TRAF3: variants seen among roughly 807,000 people sequenced by gnomAD.
TRAF3 encodes the protein TNF receptor associated factor 3, also known as TNF receptor-associated factor 3.
TRAF3 carries 13 observed loss-of-function variants against 62.3 expected under a neutral mutation model. The observed-to-expected ratio is 0.21, with a 90% CI of 0.14 to 0.33. The LOEUF (loss-of-function observed/expected upper bound fraction) is 0.33. Ranked by LOEUF, TRAF3 falls within the 10% of genes least tolerant of loss-of-function variation. The pLI, the probability that TRAF3 is intolerant of heterozygous loss-of-function variation, is 1.00. For missense variants in TRAF3, 440 were observed against 741.8 expected (o/e 0.59, Z 4.73); for synonymous variants, 269 against 283.4 (o/e 0.95, Z 0.51).
chr14:102,822,597 A>G (rs1057065139), intron 1 of TRAF3, among the ~76,000 whole-genome samples: 3 of 152,228 alleles, frequency 2.0e-5, no homozygotes, highest in African/African-American at 7.2e-5. Context: ...TAACTTAATG[A>G]GAACACACTG....
At chr14:102,818,807 G>T (rs1226209001) in intron 1 of TRAF3, among the ~76,000 whole-genome samples, 3 of 152,180 alleles carry the variant, frequency 2.0e-5, no homozygotes, top group Non-Finnish European at 4.4e-5. Flanking sequence ...AATTGCTAAA[G>T]AGTAGATCTT....
intron 2 of TRAF3, among the ~76,000 whole-genome samples, chr14:102,857,536 C>T (rs1887442486): frequency 6.6e-6 from 1 of 152,214 alleles, no homozygotes; most frequent in South Asian, 2.1e-4. Flanking sequence ...CAAGCCCAGC[C>T]ATGGGTTTGT....
intron 2 of TRAF3, among the ~76,000 whole-genome samples, chr14:102,839,628 C>G (rs1359694532): frequency 6.6e-6 from 1 of 152,190 alleles, no homozygotes; most frequent in Non-Finnish European, 1.5e-5. Context: ...TTCGGTCTAC[C>G]TCATACTGTC....
chr14:102,846,861 G>A (rs1293318042), intron 2 of TRAF3, among the ~76,000 whole-genome samples: 3 of 152,040 alleles, frequency 2.0e-5, no homozygotes, highest in East Asian at 1.9e-4. Flanking sequence ...ACTTACTTAC[G>A]TATGTGGTGG....
intron 1 of TRAF3, among the ~76,000 whole-genome samples, chr14:102,795,880 T>C (rs534140545): frequency 6.6e-6 from 1 of 152,298 alleles, no homozygotes; most frequent in African/African-American, 2.4e-5. Flanking sequence ...GAAACATTTC[T>C]AGATGATTGT....
At chr14:102,814,509 A>C (rs1267424251) in intron 1 of TRAF3, among the ~76,000 whole-genome samples, 1 of 151,838 alleles carries the variant, frequency 6.6e-6, no homozygotes, top group Non-Finnish European at 1.5e-5. Context: ...TTGCTCTTTT[A>C]ATTATCTTGA....
In TRAF3 at chr14:102,823,389, C is replaced by T. The variant is rs891753855; in HGVS notation, c.-156-6945C>T. Among the ~76,000 whole-genome samples the T allele has an allele frequency of 4.6e-5, 7 of 152,212 alleles. 1 individual carries two copies. The highest frequency in any genetic ancestry group is 9.6e-5 in the African/African-American group (4 of 41,516). On this transcript the variant is annotated intron_variant, in intron 1 of 11. Coordinates refer to ENST00000392745, the MANE Select transcript of TRAF3 (RefSeq NM_145725.3). ...CTTGGGGGAGAGTGTTGATAAGTTC[C>T]ATAGCGACACCTCTCCCTCATGATT...
chr14:102,887,779 T>C (rs1889481523), intron 7 of TRAF3, among the ~76,000 whole-genome samples: 2 of 151,898 alleles, frequency 1.3e-5, no homozygotes. Context: ...TATTTTTTAG[T>C]AGAGACGGGG....
chr14:102,820,595 TATATATATATATATA>T (rs1254701700), intron 1 of TRAF3, among the ~76,000 whole-genome samples: 16 of 8,598 alleles, frequency 1.9e-3, no homozygotes, highest in Non-Finnish European at 3.3e-3. Flanking sequence ...TATATATATA[TATATATATATATATA>T]TATATTTTTT....
At chr14:102,854,786 C>T (rs1405709224) in intron 2 of TRAF3, among the ~76,000 whole-genome samples, 1 of 148,366 alleles carries the variant, frequency 6.7e-6, no homozygotes, top group East Asian at 2.0e-4. Context: ...TAGGTGTCAG[C>T]TGCCGCACCT....
At chr14:102,849,137 A>G (rs916846587) in intron 2 of TRAF3, among the ~76,000 whole-genome samples, 1 of 152,192 alleles carries the variant, frequency 6.6e-6, no homozygotes, top group Non-Finnish European at 1.5e-5. Context: ...TATTCTAACA[A>G]TTGATCGAAA....
At chr14:102,798,367 C>T (rs1047579043) in intron 1 of TRAF3, among the ~76,000 whole-genome samples, 6 of 151,880 alleles carry the variant, frequency 4.0e-5, no homozygotes, top group Non-Finnish European at 5.9e-5. Context: ...GGGCCAGGTA[C>T]GGTAGCTCAC....
rs551416628 is a variant in TRAF3 at position 102,845,221 on chromosome 14, G to A, written c.-18+14749G>A. On this transcript the variant is annotated intron_variant, in intron 2 of 11. Transcript: ENST00000392745. ...CTAAAAATTTTTTGTTTTTTTTTTT[G>A]AGATGGAGTCTCACTTTGTTGCCCA... 4.6e-3 allele frequency among the ~76,000 whole-genome samples: 632 copies of A among 136,108 alleles called. 3 individuals are homozygous for A. The highest frequency in any genetic ancestry group is 0.017 in the African/African-American group (617 of 36,616). 89.3% of individuals were successfully genotyped at this position (136,108 alleles called of 152,430 possible).
intron 2 of TRAF3, among the ~76,000 whole-genome samples, chr14:102,844,056 C>G (rs1258649568): frequency 2.0e-5 from 3 of 152,104 alleles, no homozygotes; most frequent in Non-Finnish European, 4.4e-5. Context: ...AATAGAAAAC[C>G]TTAACCAGTC....
intron 2 of TRAF3, among the ~76,000 whole-genome samples, chr14:102,845,667 C>T (rs1252780030): frequency 1.3e-5 from 2 of 151,802 alleles, no homozygotes; most frequent in East Asian, 1.9e-4. Flanking sequence ...AGGCACCTGC[C>T]ACCATGCGTG....
intron 2 of TRAF3, among the ~76,000 whole-genome samples, chr14:102,839,870 G>C (rs1886271150): frequency 6.6e-6 from 1 of 152,170 alleles, no homozygotes; most frequent in African/African-American, 2.4e-5. Context: ...TGCAAATAGT[G>C]AGAAGTAGTT....
rs76293664 is a variant in TRAF3 at position 102,875,846 on chromosome 14, C to T, written c.402+118C>T. The T allele has an allele frequency of 1.9e-4, 166 of 856,634 alleles. No individual in the cohort carries two copies. In the African/African-American group the frequency reaches 2.4e-3, roughly 12 times the overall value. The allele number at this position is 856,634 out of a possible 1,614,324, so 53.1% of individuals were successfully genotyped here. On this transcript the variant is annotated intron_variant, in intron 5 of 11. Coordinates refer to ENST00000392745, the MANE Select transcript of TRAF3 (RefSeq NM_145725.3). ...TAAGACCATGTTGACATTAGTTTTT[C>T]AAAACACAGCCAAATAGGAAAGCAG...
chr14:102,809,815 C>T (rs1295721969), intron 1 of TRAF3, among the ~76,000 whole-genome samples: 1 of 152,102 alleles, frequency 6.6e-6, no homozygotes, highest in East Asian at 1.9e-4. Flanking sequence ...CAGGCATGAG[C>T]CACCGCGCTT....
At chr14:102,804,196 A>C (rs1397242871) in intron 1 of TRAF3, among the ~76,000 whole-genome samples, 1 of 152,072 alleles carries the variant, frequency 6.6e-6, no homozygotes, top group Non-Finnish European at 1.5e-5. Flanking sequence ...TAAAAAAAAA[A>C]ACAAAAAAAA....
Sources: gnomAD v4.1 joint callset for allele counts (sites outside exome capture counted in the v4.1 genomes callset) on GRCh38, gnomAD v4.1.1 for gene constraint, MANE v1.5 for transcripts, NCBI Gene and HGNC (gene_info 2026-07-23, HGNC 2026-07-21) for gene names.